The following SLC24A3 variants were observed in gnomAD, a reference collection of about 807,000 sequenced individuals.
The protein encoded by SLC24A3 is sodium/potassium/calcium exchanger 3.
In SLC24A3, 28 loss-of-function variants were observed where a neutral mutation model predicts 75.8. The ratio of observed to expected loss-of-function variants is 0.37; its 90% CI spans 0.27 to 0.51. The LOEUF (loss-of-function observed/expected upper bound fraction) is 0.51, where lower values mean the gene tolerates loss of function less well. SLC24A3 is among the 20% of genes least tolerant of loss of function. SLC24A3 has a pLI of 0.94. For synonymous variants in SLC24A3, 372 were observed against 334.1 expected (o/e 1.11, Z -1.24); for missense variants, 663 against 847.8 (o/e 0.78, Z 2.71).
At chr20:19,709,152 A>G (rs2032962671) in intron 15 of SLC24A3, among the ~76,000 whole-genome samples, 1 of 152,186 alleles carries the variant, frequency 6.6e-6, no homozygotes, top group African/African-American at 2.4e-5. Context: ...CTGTCTCAGA[A>G]TGACTCCATC....
chr20:19,638,239 G>A (rs2032025531), intron 6 of SLC24A3, among the ~76,000 whole-genome samples: 1 of 152,102 alleles, frequency 6.6e-6, no homozygotes, highest in African/African-American at 2.4e-5. Flanking sequence ...GGATTCAATA[G>A]ATGATACCAA....
intron 9 of SLC24A3, among the ~76,000 whole-genome samples, chr20:19,673,891 A>G (rs1314436721): frequency 3.3e-5 from 5 of 152,130 alleles, no homozygotes; most frequent in African/African-American, 1.2e-4. Flanking sequence ...TCACTTGAGA[A>G]CTCTCTAGAA....
intron 9 of SLC24A3, among the ~76,000 whole-genome samples, chr20:19,677,125 G>A (rs1018331742): frequency 2.0e-5 from 3 of 152,080 alleles, no homozygotes; most frequent in African/African-American, 4.8e-5. Context: ...TCTAAACCCT[G>A]ATAAATGTAT....
chr20:19,561,090 C>T (rs2030868493), intron 3 of SLC24A3, among the ~76,000 whole-genome samples: 1 of 152,128 alleles, frequency 6.6e-6, no homozygotes, highest in Non-Finnish European at 1.5e-5. Flanking sequence ...CTGACCTTTC[C>T]TTGTTTGGAC....
At chr20:19,593,418 G>C (rs1229481651) in intron 6 of SLC24A3, among the ~76,000 whole-genome samples, 2 of 152,232 alleles carry the variant, frequency 1.3e-5, no homozygotes, top group African/African-American at 4.8e-5. Flanking sequence ...AGCCAGTCAG[G>C]CTGGCAGATG....
intron 3 of SLC24A3, among the ~76,000 whole-genome samples, chr20:19,571,573 C>T (rs1016945189): frequency 6.6e-6 from 1 of 152,130 alleles, no homozygotes; most frequent in African/African-American, 2.4e-5. Context: ...AACAGGGACC[C>T]CAGTATGGTG....
chr20:19,346,056 A>G (rs1985389958), intron 2 of SLC24A3, among the ~76,000 whole-genome samples: 1 of 97,032 alleles, frequency 1.0e-5, no homozygotes, highest in African/African-American at 4.7e-5. Flanking sequence ...TCAATGAATA[A>G]AGAAAACTAT....
intron 2 of SLC24A3, among the ~76,000 whole-genome samples, chr20:19,327,407 A>G (rs1442293245): frequency 5.3e-5 from 8 of 152,242 alleles, no homozygotes; most frequent in Non-Finnish European, 1.5e-5. Flanking sequence ...CATATGAGCA[A>G]CAAATGATTT....
At chr20:19,480,551 A>G (rs995339692) in intron 2 of SLC24A3, among the ~76,000 whole-genome samples, 2 of 152,152 alleles carry the variant, frequency 1.3e-5, no homozygotes, top group Non-Finnish European at 2.9e-5. Context: ...TGCCTACCTG[A>G]CATGTGGTGG....
At chr20:19,524,412 G>C (rs1401736210) in intron 3 of SLC24A3, among the ~76,000 whole-genome samples, 1 of 152,206 alleles carries the variant, frequency 6.6e-6, no homozygotes, top group East Asian at 1.9e-4. Flanking sequence ...CTTGAGGCTG[G>C]GCAAGATAGA....
chr20:19,298,869 TG>T (rs1386545605), intron 2 of SLC24A3, among the ~76,000 whole-genome samples: 1 of 152,178 alleles, frequency 6.6e-6, no homozygotes, highest in African/African-American at 2.4e-5. Context: ...GTGAGGGAGC[TG>T]GGGTATTTAT....
chr20:19,416,949 A>G (rs1213395515), intron 2 of SLC24A3, among the ~76,000 whole-genome samples: 1 of 152,084 alleles, frequency 6.6e-6, no homozygotes, highest in Non-Finnish European at 1.5e-5. Flanking sequence ...CAGTTAACCT[A>G]AAACCAAAAG....
chr20:19,673,449 A>G, intron 8 of SLC24A3, 152 bp from the exon 9 acceptor site: 1 of 643,760 alleles, frequency 1.6e-6, no homozygotes, highest in South Asian at 2.0e-5. Flanking sequence ...AGCATAGAGA[A>G]TGTCTCTAGA....
chr20:19,407,266 G>T (rs1056272163), intron 2 of SLC24A3, among the ~76,000 whole-genome samples: 1 of 152,208 alleles, frequency 6.6e-6, no homozygotes, highest in African/African-American at 2.4e-5. Flanking sequence ...GCACTAAGAG[G>T]ATGGCGGTAG....
intron 8 of SLC24A3, among the ~76,000 whole-genome samples, chr20:19,672,847 G>T (rs1442566073): frequency 2.0e-5 from 3 of 152,298 alleles, no homozygotes; most frequent in South Asian, 2.1e-4. Flanking sequence ...GAAAAGGAAG[G>T]ATGGGTATAA....
intron 2 of SLC24A3, among the ~76,000 whole-genome samples, chr20:19,288,113 G>C (rs941255125): frequency 2.0e-5 from 3 of 152,176 alleles, no homozygotes; most frequent in Non-Finnish European, 4.4e-5. Flanking sequence ...AACTTTGTGG[G>C]AATAAGATTG....
intron 1 of SLC24A3, among the ~76,000 whole-genome samples, chr20:19,214,267 G>C (rs890157259): frequency 1.3e-5 from 2 of 152,076 alleles, no homozygotes; most frequent in Non-Finnish European, 2.9e-5. Flanking sequence ...TCTCTCCATT[G>C]CTCTCCTGGA....
chr20:19,311,844 G>A (rs2122262048), intron 2 of SLC24A3, among the ~76,000 whole-genome samples: 1 of 152,264 alleles, frequency 6.6e-6, no homozygotes, highest in East Asian at 1.9e-4. Flanking sequence ...GTGGCCTGGA[G>A]GAAATAGGGA....
At chr20:19,380,846 C>T (rs1986168042) in intron 2 of SLC24A3, among the ~76,000 whole-genome samples, 1 of 152,110 alleles carries the variant, frequency 6.6e-6, no homozygotes, top group South Asian at 2.1e-4. Context: ...GAAATATAAA[C>T]CTAGTTTATC....
Sources: gnomAD v4.1 joint callset for allele counts (sites outside exome capture counted in the v4.1 genomes callset) on GRCh38, gnomAD v4.1.1 for gene constraint, MANE v1.5 for transcripts, NCBI Gene and HGNC (gene_info 2026-07-23, HGNC 2026-07-21) for gene names.